CCSER1: variants seen among roughly 807,000 people sequenced by gnomAD.
CCSER1 encodes coiled-coil serine rich protein 1.
CCSER1 carries 41 observed loss-of-function variants against 82.0 expected under a neutral mutation model. The ratio of observed to expected loss-of-function variants is 0.50; its 90% CI spans 0.39 to 0.65. CCSER1 has a LOEUF of 0.65. Ranked by LOEUF, CCSER1 falls within the 30% of genes least tolerant of loss-of-function variation. The pLI is 0.00. For synonymous variants in CCSER1, 414 were observed against 383.9 expected (o/e 1.08, Z -0.92); for missense variants, 1,119 against 1,064.2 (o/e 1.05, Z -0.72).
chr4:91,297,536 T>C (rs1744312560), intron 10 of CCSER1, among the ~76,000 whole-genome samples: 1 of 151,768 alleles, frequency 6.6e-6, no homozygotes, highest in Non-Finnish European at 1.5e-5. Flanking sequence ...TAATATTTTG[T>C]AGAATAAGCA....
At chr4:90,495,182 T>G (rs1721495399) in intron 5 of CCSER1, among the ~76,000 whole-genome samples, 1 of 152,130 alleles carries the variant, frequency 6.6e-6, no homozygotes, top group African/African-American at 2.4e-5. Flanking sequence ...CCCTTTCAAT[T>G]TTAGAGAATT....
intron 10 of CCSER1, among the ~76,000 whole-genome samples, chr4:91,422,289 A>T (rs183884304): frequency 3.9e-5 from 6 of 151,906 alleles, no homozygotes; most frequent in Admixed American, 3.9e-4. Flanking sequence ...CTTTGCCTTT[A>T]CATCCCTTTC....
chr4:90,220,139 T>C (rs866562081), intron 1 of CCSER1, among the ~76,000 whole-genome samples: 3 of 152,176 alleles, frequency 2.0e-5, no homozygotes, highest in East Asian at 3.9e-4. Context: ...ATTTTGTTTT[T>C]AGTTATTTTT....
chr4:91,501,630 A>C (rs1997498), intron 10 of CCSER1, among the ~76,000 whole-genome samples: 103,597 of 151,812 alleles, frequency 0.68, 35,822 homozygotes, highest in Middle Eastern at 0.75. Flanking sequence ...TCACATACTT[A>C]TCTGCCCTAT....
intron 10 of CCSER1, among the ~76,000 whole-genome samples, chr4:91,592,341 C>G (rs114177982): frequency 0.012 from 1,889 of 152,142 alleles, 33 homozygotes; most frequent in African/African-American, 0.043. Context: ...GAGTCTCTCC[C>G]ATGACATGTG....
intron 6 of CCSER1, among the ~76,000 whole-genome samples, chr4:90,685,358 C>A (rs1441449331): frequency 2.0e-5 from 3 of 152,176 alleles, no homozygotes; most frequent in Middle Eastern, 3.4e-3. Context: ...TCCTGTGACC[C>A]TGGTAGATTT....
intron 10 of CCSER1, among the ~76,000 whole-genome samples, chr4:91,340,277 T>G (rs1747624172): frequency 6.6e-6 from 1 of 152,216 alleles, no homozygotes; most frequent in Non-Finnish European, 1.5e-5. Flanking sequence ...TGTGAGTAAC[T>G]GAAACAGTAG....
At chr4:90,792,182 C>G (rs565085098) in intron 7 of CCSER1, among the ~76,000 whole-genome samples, 14 of 152,238 alleles carry the variant, frequency 9.2e-5, no homozygotes, top group Admixed American at 7.8e-4. Flanking sequence ...GTTGACATCT[C>G]TGCTTTTTTT....
intron 4 of CCSER1, among the ~76,000 whole-genome samples, chr4:90,434,204 A>G (rs916694320): frequency 1.1e-4 from 17 of 152,066 alleles, no homozygotes; most frequent in African/African-American, 2.9e-4. Context: ...ATTTCTCTTC[A>G]TATCCATTTT....
intron 6 of CCSER1, among the ~76,000 whole-genome samples, chr4:90,673,378 TCTTA>T (rs1733176022): frequency 1.3e-5 from 2 of 151,984 alleles, no homozygotes. Flanking sequence ...GTATAGAATA[TCTTA>T]CTTCTATGGA....
intron 10 of CCSER1, among the ~76,000 whole-genome samples, chr4:91,356,499 A>G (rs530025450): frequency 6.6e-6 from 1 of 152,334 alleles, no homozygotes; most frequent in East Asian, 1.9e-4. Context: ...TGAAAGACCT[A>G]TAAGGGGCTT....
At chr4:90,372,698 T>G (rs537502153) in intron 3 of CCSER1, among the ~76,000 whole-genome samples, 1 of 151,836 alleles carries the variant, frequency 6.6e-6, no homozygotes. Flanking sequence ...TGCAGTGAGC[T>G]GAGATTGTGC....
chr4:91,268,577 A>G (rs570411009), intron 10 of CCSER1, among the ~76,000 whole-genome samples: 20 of 152,304 alleles, frequency 1.3e-4, no homozygotes, highest in African/African-American at 4.6e-4. Flanking sequence ...AGACACCACC[A>G]AACAGGCTTT....
intron 9 of CCSER1, among the ~76,000 whole-genome samples, chr4:91,051,366 A>T (rs979479): frequency 0.065 from 9,938 of 152,274 alleles, 958 homozygotes; most frequent in African/African-American, 0.21. Flanking sequence ...TAACAGAATA[A>T]TTTTAAAATC....
At chr4:91,056,815 A>G (rs1009199987) in intron 9 of CCSER1, among the ~76,000 whole-genome samples, 30 of 152,268 alleles carry the variant, frequency 2.0e-4, no homozygotes, top group African/African-American at 7.2e-4. Flanking sequence ...AAACCTTTTT[A>G]GATTTCTTCC....
chr4:90,283,434 TG>T (rs1472520115), intron 1 of CCSER1, among the ~76,000 whole-genome samples: 1 of 152,000 alleles, frequency 6.6e-6, no homozygotes, highest in African/African-American at 2.4e-5. Context: ...TAGCATGCAA[TG>T]ATCAAATCAG....
At chr4:90,632,930 A>G (rs1560850077) in intron 6 of CCSER1, among the ~76,000 whole-genome samples, 1 of 152,108 alleles carries the variant, frequency 6.6e-6, no homozygotes, top group Non-Finnish European at 1.5e-5. Flanking sequence ...TCAGGCTAAA[A>G]TGATTATGTG....
chr4:90,202,359 T>A (rs757422207), intron 1 of CCSER1, among the ~76,000 whole-genome samples: 1 of 152,102 alleles, frequency 6.6e-6, no homozygotes. Flanking sequence ...CCCGTCACCA[T>A]GCCTGGCTAA....
intron 1 of CCSER1, among the ~76,000 whole-genome samples, chr4:90,208,873 T>G (rs1477791759): frequency 6.6e-6 from 1 of 152,142 alleles, no homozygotes; most frequent in Non-Finnish European, 1.5e-5. Flanking sequence ...GCCAGGTACT[T>G]CAGGTGGAAA....
Sources: allele counts gnomAD v4.1 joint callset (sites outside exome capture counted in the v4.1 genomes callset), GRCh38; gene constraint gnomAD v4.1.1; transcripts MANE v1.5; gene names NCBI Gene and HGNC (gene_info 2026-07-23, HGNC 2026-07-21).